PPARGC1A: variants seen among roughly 807,000 people sequenced by gnomAD.
PPARGC1A encodes PPARG coactivator 1 alpha.
Under a neutral mutation model 88.7 loss-of-function variants are expected in PPARGC1A, and 25 were observed. The ratio of observed to expected loss-of-function variants is 0.28; its 90% CI spans 0.21 to 0.39. The LOEUF is 0.39. Among genes scored for constraint, PPARGC1A ranks in the 10% least tolerant of loss-of-function variants. The pLI is 1.00. For missense variants in PPARGC1A, 880 were observed against 968.7 expected (o/e 0.91, Z 1.22); for synonymous variants, 363 against 355.6 (o/e 1.02, Z -0.24).
At chr4:23,813,451 T>C (rs1407965122) in intron 8 of PPARGC1A, among the ~76,000 whole-genome samples, 1 of 152,174 alleles carries the variant, frequency 6.6e-6, no homozygotes, top group Non-Finnish European at 1.5e-5. Flanking sequence ...AGCAAGTTTC[T>C]TAACAAATTG....
At chr4:23,835,805 C>T (rs1306617350) in intron 2 of PPARGC1A, among the ~76,000 whole-genome samples, 6 of 152,064 alleles carry the variant, frequency 3.9e-5, no homozygotes, top group Admixed American at 3.9e-4. Flanking sequence ...GTGGATATTG[C>T]CCCTCACTGT....
At chr4:23,954,938 T>C in the PPARGC1A span, among the ~76,000 whole-genome samples, 1 of 152,058 alleles carries the variant, frequency 6.6e-6, no homozygotes, top group African/African-American at 2.4e-5. Flanking sequence ...TGTCTTGCTC[T>C]TTTCACTAAG....
chr4:24,328,273 A>C, the PPARGC1A span, among the ~76,000 whole-genome samples: 6 of 142,272 alleles, frequency 4.2e-5, no homozygotes, highest in Non-Finnish European at 1.5e-5. Flanking sequence ...ATCAGCATTA[A>C]AACAAAGATC....
chr4:24,329,615 A>T, the PPARGC1A span, among the ~76,000 whole-genome samples: 1 of 152,162 alleles, frequency 6.6e-6, no homozygotes, highest in Non-Finnish European at 1.5e-5. Context: ...AAGATCAGGC[A>T]AGCTCCTCCA....
chr4:24,259,594 C>G, the PPARGC1A span, among the ~76,000 whole-genome samples: 2 of 152,168 alleles, frequency 1.3e-5, no homozygotes, highest in Non-Finnish European at 2.9e-5. Context: ...CATTGTGTTA[C>G]AATTGCCTAA....
At chr4:24,030,168 C>T in the PPARGC1A span, among the ~76,000 whole-genome samples, 4 of 152,200 alleles carry the variant, frequency 2.6e-5, no homozygotes, top group Non-Finnish European at 4.4e-5. Flanking sequence ...GTTTAACAAA[C>T]ACAGCCAGTA....
the PPARGC1A span, among the ~76,000 whole-genome samples, chr4:24,405,720 A>C: frequency 4.6e-5 from 7 of 152,158 alleles, no homozygotes; most frequent in Admixed American, 3.3e-4. Flanking sequence ...AGTATGGCCA[A>C]TCCCCTTAAG....
chr4:23,826,117 C>G (rs1723880321), intron 5 of PPARGC1A, among the ~76,000 whole-genome samples: 1 of 151,974 alleles, frequency 6.6e-6, no homozygotes, highest in African/African-American at 2.4e-5. Context: ...TTGTTGGGTA[C>G]AGGTAAGGTC....
At chr4:23,858,712 G>C (rs1730651767) in intron 2 of PPARGC1A, among the ~76,000 whole-genome samples, 1 of 152,126 alleles carries the variant, frequency 6.6e-6, no homozygotes, top group Non-Finnish European at 1.5e-5. Flanking sequence ...TGTTCAGAAA[G>C]GTAGAAAATT....
At position 23,851,207 on chromosome 4, in the gene PPARGC1A, C is replaced by T. The variant is rs77996024; in HGVS notation, c.235-19456G>A. On this transcript the variant is annotated intron_variant, in intron 2 of 12. Coordinates refer to ENST00000264867, the MANE Select transcript of PPARGC1A (RefSeq NM_013261.5). ...TCATTTTGCAATACACATAGTGATT[C>T]GATTTAATCTAGGTAAACTGCAGAT... Among the ~76,000 whole-genome samples the T allele has an allele frequency of 4.2e-3, 636 of 152,192 alleles. 3 individuals carry two copies. The highest frequency in any genetic ancestry group is 0.014 in the African/African-American group (593 of 41,502).
At chr4:24,116,511 A>T in the PPARGC1A span, among the ~76,000 whole-genome samples, 1 of 152,228 alleles carries the variant, frequency 6.6e-6, no homozygotes, top group South Asian at 2.1e-4. Flanking sequence ...TGGAAAAAAC[A>T]TATAATTCAC....
chr4:24,252,535 A>G, the PPARGC1A span, among the ~76,000 whole-genome samples: 1 of 152,230 alleles, frequency 6.6e-6, no homozygotes, highest in East Asian at 1.9e-4. Context: ...TGGTTTCCAA[A>G]CTATTTCTTT....
At chr4:24,134,973 C>T in the PPARGC1A span, among the ~76,000 whole-genome samples, 1 of 152,176 alleles carries the variant, frequency 6.6e-6, no homozygotes, top group South Asian at 2.1e-4. Context: ...TTCCTGCACA[C>T]CTTGCACTGC....
At chr4:24,393,761 G>A in the PPARGC1A span, among the ~76,000 whole-genome samples, 7 of 152,136 alleles carry the variant, frequency 4.6e-5, no homozygotes, top group East Asian at 3.9e-4. Context: ...TTTGCTTAAC[G>A]TTCTTTTTAA....
chr4:24,229,982 C>T, the PPARGC1A span, among the ~76,000 whole-genome samples: 3 of 152,208 alleles, frequency 2.0e-5, no homozygotes, highest in East Asian at 5.8e-4. Flanking sequence ...AGACCAAAAT[C>T]CCAAAATCTC....
chr4:24,465,127 A>T, the PPARGC1A span, among the ~76,000 whole-genome samples: 3 of 152,258 alleles, frequency 2.0e-5, no homozygotes, highest in East Asian at 5.8e-4. Flanking sequence ...CAGCCTCCTG[A>T]GCAGTTGGGA....
chr4:24,309,078 G>A, the PPARGC1A span, among the ~76,000 whole-genome samples: 1 of 152,002 alleles, frequency 6.6e-6, no homozygotes, highest in Non-Finnish European at 1.5e-5. Flanking sequence ...CAAGACAATG[G>A]AAGAACAGCA....
At chr4:24,187,177 C>G in the PPARGC1A span, among the ~76,000 whole-genome samples, 1 of 152,270 alleles carries the variant, frequency 6.6e-6, no homozygotes, top group South Asian at 2.1e-4. Context: ...ATGATGGCGG[C>G]AGTGGTAGTG....
chr4:24,154,138 T>C, the PPARGC1A span, among the ~76,000 whole-genome samples: 5 of 152,272 alleles, frequency 3.3e-5, no homozygotes, highest in African/African-American at 9.6e-5. Context: ...TTGAATCCCA[T>C]CTCCAAGTAG....
Sources: gnomAD v4.1 joint callset for allele counts (sites outside exome capture counted in the v4.1 genomes callset) on GRCh38, gnomAD v4.1.1 for gene constraint, MANE v1.5 for transcripts, NCBI Gene and HGNC (gene_info 2026-07-23, HGNC 2026-07-21) for gene names.